Variants in TRIM36 observed in about 807,000 individuals in gnomAD.
TRIM36 encodes E3 ubiquitin-protein ligase TRIM36.
TRIM36 carries 42 observed loss-of-function variants against 72.4 expected under a neutral mutation model. The observed-to-expected ratio is 0.58, with a 90% CI of 0.45 to 0.75. TRIM36 has a LOEUF of 0.75. TRIM36 is among the 30% of genes least tolerant of loss of function. TRIM36 has a pLI of 0.00. For synonymous variants in TRIM36, 315 were observed against 282.8 expected (o/e 1.11, Z -1.14); for missense variants, 913 against 857.1 (o/e 1.07, Z -0.81).
Position 115,126,273 on chromosome 5 carries a change from C to T in TRIM36, c.*230G>A, listed in dbSNP as rs1752354596. On this transcript the variant is annotated 3_prime_UTR_variant, in exon 10 of 10. Transcript: ENST00000513154. ...AAAGACAGTCCAGTTGCAAAGTTAACCACTTCAGTATTAACTTGGAAAGAA... is the reference window on the plus strand; with the variant it reads ...AAAGACAGTCCAGTTGCAAAGTTAATCACTTCAGTATTAACTTGGAAAGAA... The T allele has an allele frequency of 2.1e-6, 1 of 476,468 alleles. No individual in the cohort carries two copies. The highest frequency in any genetic ancestry group is 1.9e-5 in the African/African-American group (1 of 51,812). The allele number at this position is 476,468 out of a possible 1,614,324, so 29.5% of individuals were successfully genotyped here.
At chr5:115,174,823 C>G (rs1755264353), upstream of TRIM36, among the ~76,000 whole-genome samples, 1 of 152,140 alleles carries the variant, frequency 6.6e-6, no homozygotes, top group Admixed American at 6.5e-5. Flanking sequence ...AAGCATTTAT[C>G]TACTAAACAG....
chr5:115,141,352 T>C lies in TRIM36; in HGVS notation c.758A>G (p.Asp253Gly), dbSNP rs1182059028. ...CTGGCTTTCCTTACCAATAAGGTAA[T>C]CAATATCCTTTGAAAGCTTTTCCTG... ...TLKEKLSKDIDYLIGKESQVK... is the reference protein window; with the variant it reads ...TLKEKLSKDIGYLIGKESQVK... Residue 253 changes from aspartate to glycine, a missense_variant, in exon 5 of 10, where the codon GAT (aspartate) becomes GGT (glycine). Physicochemically the swap from Asp to Gly is moderately conservative, Grantham distance 94 (BLOSUM62 -1). Transcript: ENST00000513154. The C allele has an allele frequency of 1.3e-6, 2 of 1,597,276 alleles. No homozygotes were observed.
intron 2 of TRIM36, among the ~76,000 whole-genome samples, chr5:115,159,879 G>T (rs1754384270): frequency 6.6e-6 from 1 of 152,010 alleles, no homozygotes; most frequent in Non-Finnish European, 1.5e-5. Flanking sequence ...CAATCATTGT[G>T]GGTATAGCAC....
intron 2 of TRIM36, among the ~76,000 whole-genome samples, chr5:115,154,668 A>G (rs1244601219): frequency 6.6e-6 from 1 of 152,220 alleles, no homozygotes; most frequent in African/African-American, 2.4e-5. Context: ...GACTAGTAAC[A>G]AGCACCAAGA....
intron 1 of TRIM36, chr5:115,168,875 G>A (rs192735550): frequency 6.6e-6 from 1 of 152,166 alleles, no homozygotes; most frequent in East Asian, 1.9e-4. Flanking sequence ...TTGTCACTGG[G>A]GGAGGATCTA....
At chr5:115,178,172 C>T (rs921541355) in intron 1 of TRIM36, among the ~76,000 whole-genome samples, 3 of 152,182 alleles carry the variant, frequency 2.0e-5, no homozygotes, top group Admixed American at 6.5e-5. Flanking sequence ...CAGGATTTGT[C>T]TGCTATTGAA....
chr5:115,158,268 T>A (rs1051521598), intron 2 of TRIM36, among the ~76,000 whole-genome samples: 2 of 151,886 alleles, frequency 1.3e-5, no homozygotes, highest in Admixed American at 1.3e-4. Flanking sequence ...TTACAGAATC[T>A]CTTCTTTTTC....
intron 2 of TRIM36, among the ~76,000 whole-genome samples, chr5:115,158,420 G>A (rs1406412883): frequency 6.6e-6 from 1 of 152,144 alleles, no homozygotes; most frequent in Non-Finnish European, 1.5e-5. Flanking sequence ...AAATATCAAA[G>A]AGAAAATAAA....
At position 115,136,592 on chromosome 5, in the gene TRIM36, G is replaced by A. The variant is rs540729233; in HGVS notation, c.1210+408C>T. On this transcript the variant is annotated intron_variant, in intron 7 of 9. Coordinates refer to ENST00000513154, the MANE Select transcript of TRIM36 (RefSeq NM_001300759.2). ...CCAAAAAACTCTGACAAGGATGTGC[G>A]ACACAGCGTTGCTCATAAAAGAGGA... Among the ~76,000 whole-genome samples the A allele has an allele frequency of 1.2e-4, 19 of 152,052 alleles. No individual in the cohort carries two copies. The East Asian group carries it at 2.5e-3, about 20-fold the overall frequency.
chr5:115,149,702 T>C (rs1232672061), intron 2 of TRIM36: 3 of 141,720 alleles, frequency 2.1e-5, no homozygotes, highest in Admixed American at 7.2e-5. Flanking sequence ...AATTAAGACA[T>C]GTAATTTTTC....
chr5:115,126,732 T>C lies in TRIM36; in HGVS notation c.1922A>G (p.Asn641Ser). The change falls in exon 10 of 10, where the codon AAT becomes AGT. Residue 641 changes from asparagine to serine, a missense_variant. Coordinates refer to ENST00000513154, the MANE Select transcript of TRIM36 (RefSeq NM_001300759.2). ...AGGGAGAACTCTATTTTCAGGTTCA[T>C]TAGAAGAAGTAGGTGACTTGGGTAT... is the stretch of plus-strand genomic sequence containing the variant. ...FFIPKSPTSS[N>S]EPENRVLPMP... The C allele has an allele frequency of 3.1e-6, 5 of 1,614,166 alleles. No homozygotes were observed. The highest frequency in any genetic ancestry group is 1.6e-4 in the Middle Eastern group (1 of 6,062).
At chr5:115,157,422 G>C (rs1283343841) in intron 2 of TRIM36, among the ~76,000 whole-genome samples, 1 of 152,148 alleles carries the variant, frequency 6.6e-6, no homozygotes, top group Non-Finnish European at 1.5e-5. Flanking sequence ...AAATTAGCCA[G>C]ATGTGGTGGT....
intron 9 of TRIM36, among the ~76,000 whole-genome samples, chr5:115,127,596 G>C (rs1312924249): frequency 1.3e-5 from 2 of 152,120 alleles, no homozygotes; most frequent in African/African-American, 4.8e-5. Flanking sequence ...CATTCCTATA[G>C]CTTAGTGACG....
chr5:115,170,925 AGT>A (rs1224348322), upstream of TRIM36, among the ~76,000 whole-genome samples: 3 of 152,248 alleles, frequency 2.0e-5, no homozygotes. Flanking sequence ...CCACGGCCCA[AGT>A]GTGTTTCTGG....
chr5:115,146,066 T>C (rs1019768494), intron 3 of TRIM36, among the ~76,000 whole-genome samples: 23 of 152,186 alleles, frequency 1.5e-4, no homozygotes, highest in Non-Finnish European at 7.4e-5. Context: ...TATTTGTAAA[T>C]AGAAACATCA....
intron 2 of TRIM36, chr5:115,148,330 C>T (rs2112847599): frequency 1.0e-6 from 1 of 984,676 alleles, no homozygotes; most frequent in Middle Eastern, 5.2e-4. Flanking sequence ...GCATGACAGT[C>T]CTTACCCATT....
intron 9 of TRIM36, among the ~76,000 whole-genome samples, chr5:115,128,667 G>A (rs866515657): frequency 1.4e-5 from 2 of 142,838 alleles, no homozygotes; most frequent in South Asian, 4.5e-4. Context: ...CAGGAGAATG[G>A]CGTGAACCCA....
chr5:115,160,149 T>G (rs1260875464), intron 2 of TRIM36, among the ~76,000 whole-genome samples: 1 of 152,126 alleles, frequency 6.6e-6, no homozygotes, highest in Non-Finnish European at 1.5e-5. Flanking sequence ...TTGTACATAA[T>G]TTAATATGCT....
chr5:115,177,721 A>G (rs761458091), intron 1 of TRIM36: 1 of 1,613,614 alleles, frequency 6.2e-7, no homozygotes, highest in Non-Finnish European at 8.5e-7. Context: ...TCCCCCTCCA[A>G]CCCCCACAAA....
Sources: allele counts gnomAD v4.1 joint callset (sites outside exome capture counted in the v4.1 genomes callset), GRCh38; gene constraint gnomAD v4.1.1; transcripts MANE v1.5; gene names NCBI Gene and HGNC (gene_info 2026-07-23, HGNC 2026-07-21).